COL4A6: variants seen among roughly 807,000 people sequenced by gnomAD.
COL4A6 encodes the protein collagen type IV alpha 6 chain.
A neutral mutation model predicts 126.7 loss-of-function variants in COL4A6; 59 were observed. That is an observed-to-expected ratio of 0.47 (90% confidence interval 0.38 to 0.58). The LOEUF is 0.58. Among genes scored for constraint, COL4A6 ranks in the 20% least tolerant of loss-of-function variants. The probability of loss-of-function intolerance (pLI) is 0.00; values close to 1 mark genes in which losing one functional copy is unlikely to be tolerated. For missense variants in COL4A6, 1,285 were observed against 1,337.3 expected, an observed-to-expected ratio of 0.96 and a Z score of 0.61; for synonymous variants, 547 against 496.6, an observed-to-expected ratio of 1.10 and a Z score of -1.35.
chrX:108,236,196 A>G (rs1245579264), intron 3 of COL4A6, among the ~76,000 whole-genome samples: 1 of 111,702 alleles, frequency 9.0e-6, no homozygotes, highest in Non-Finnish European at 1.9e-5. Context: ...TTTCCCCTTC[A>G]GGGCTTTGAG....
chrX:108,207,541 T>A (rs2035583152), intron 8 of COL4A6, among the ~76,000 whole-genome samples: 1 of 111,464 alleles, frequency 9.0e-6, no homozygotes, highest in South Asian at 3.8e-4. Flanking sequence ...GATGGATAGA[T>A]AGATAGAAGG....
Position 108,366,935 on chromosome X carries a change from G to A in COL4A6, c.64-56107C>T, listed in dbSNP as rs181245449. Among the ~76,000 whole-genome samples, 164 of 111,850 alleles carry A rather than the reference G, an allele frequency of 1.5e-3. No homozygotes were observed. In the East Asian group the frequency reaches 0.037, roughly 25 times the overall value. On this transcript the variant is annotated intron_variant, in intron 2 of 44. Coordinates refer to ENST00000334504, the MANE Select transcript of COL4A6 (RefSeq NM_033641.4). ...TGCAAACAATGTGTTTGGCCACATT[G>A]GAATTAAGTGGGTTAAAATTCCATC...
At chrX:108,380,917 G>T (rs182543433) in intron 2 of COL4A6, among the ~76,000 whole-genome samples, 1 of 111,464 alleles carries the variant, frequency 9.0e-6, no homozygotes, top group Admixed American at 9.5e-5. Flanking sequence ...AGAGATATAT[G>T]CATGTAAAGC....
At chrX:108,257,052 G>A (rs1405744556) in intron 3 of COL4A6, among the ~76,000 whole-genome samples, 2 of 111,568 alleles carry the variant, frequency 1.8e-5, no homozygotes, top group Non-Finnish European at 3.8e-5. Flanking sequence ...TCAAAGAACT[G>A]GAAAAGGCAA....
chrX:108,291,160 C>T (rs1399010783), intron 3 of COL4A6, among the ~76,000 whole-genome samples: 2 of 111,799 alleles, frequency 1.8e-5, no homozygotes, highest in Non-Finnish European at 3.8e-5. Flanking sequence ...TAGCTCCAGT[C>T]ACCTCATTTC....
intron 2 of COL4A6, among the ~76,000 whole-genome samples, chrX:108,322,564 G>A (rs2039055075): frequency 8.9e-6 from 1 of 112,059 alleles, no homozygotes; most frequent in Non-Finnish European, 1.9e-5. Context: ...GGCCTGAGGG[G>A]ATATAGTACT....
At chrX:108,330,790 G>A (rs1226872379) in intron 2 of COL4A6, among the ~76,000 whole-genome samples, 2 of 111,268 alleles carry the variant, frequency 1.8e-5, no homozygotes, top group African/African-American at 3.3e-5. Context: ...AGGGGGAAAC[G>A]CTGGCAAATC....
chrX:108,424,125 G>A (rs1462977876), intron 2 of COL4A6, among the ~76,000 whole-genome samples: 1 of 111,868 alleles, frequency 8.9e-6, no homozygotes, highest in Non-Finnish European at 1.9e-5. Flanking sequence ...AAGAAAACCC[G>A]ATTGATGGGG....
intron 3 of COL4A6, among the ~76,000 whole-genome samples, chrX:108,222,280 A>G (rs2036037919): frequency 8.9e-6 from 1 of 112,235 alleles, no homozygotes; most frequent in African/African-American, 3.2e-5. Context: ...CAGAAAAATG[A>G]AAACCATTAG....
chrX:108,220,198 T>C (rs774006325), intron 4 of COL4A6, among the ~76,000 whole-genome samples: 2 of 112,111 alleles, frequency 1.8e-5, no homozygotes, highest in South Asian at 3.8e-4. Flanking sequence ...AACAAGCCAA[T>C]TGCATCCACC....
At chrX:108,214,091 T>C (rs376139807) in intron 6 of COL4A6, 21 bp downstream of exon 6, 138 of 1,143,780 alleles carry the variant, frequency 1.2e-4, no homozygotes, top group Admixed American at 1.0e-3. Context: ...TGAAATAAAA[T>C]GCAAATATCT....
intron 2 of COL4A6, among the ~76,000 whole-genome samples, chrX:108,399,722 C>T (rs1469940854): frequency 9.0e-6 from 1 of 111,629 alleles, no homozygotes; most frequent in Non-Finnish European, 1.9e-5. Context: ...TCATTATTAA[C>T]CATTTTGAAA....
chrX:108,349,173 C>A (rs1446639343), intron 2 of COL4A6, among the ~76,000 whole-genome samples: 1 of 111,506 alleles, frequency 9.0e-6, no homozygotes, highest in East Asian at 2.8e-4. Flanking sequence ...GCTTGAACGG[C>A]ACAGTGAAAA....
At chrX:108,218,407 A>G (rs1436664518) in intron 5 of COL4A6, among the ~76,000 whole-genome samples, 1 of 112,682 alleles carries the variant, frequency 8.9e-6, no homozygotes, top group Admixed American at 9.4e-5. Flanking sequence ...TTATTTTCCC[A>G]CTGGTCTATT....
intron 3 of COL4A6, among the ~76,000 whole-genome samples, chrX:108,224,431 G>A (rs1286246045): frequency 8.9e-6 from 1 of 111,912 alleles, no homozygotes; most frequent in Non-Finnish European, 1.9e-5. Context: ...TTGGGTTGGC[G>A]GGCGTGCCAG....
At chrX:108,258,319 C>T (rs2037062094) in intron 3 of COL4A6, among the ~76,000 whole-genome samples, 1 of 111,979 alleles carries the variant, frequency 8.9e-6, no homozygotes, top group South Asian at 3.7e-4. Flanking sequence ...GGGTGTCTTA[C>T]CCACTTCTTC....
rs751689648 is a variant in COL4A6 at position 108,189,637 on chromosome X, A to G, written c.1426+755T>C. On this transcript the variant is annotated intron_variant, in intron 20 of 44. Transcript: ENST00000334504. ...GTTAACTTAATGCCCTTTTCCATCA[A>G]ATAGTTTTCCTGGGACCTGAATAGC... 3.3e-4 allele frequency among the ~76,000 whole-genome samples: 37 copies of G among 112,496 alleles called. No individual in the cohort carries two copies. The East Asian group carries it at 8.9e-3, about 27-fold the overall frequency.
chrX:108,351,358 T>G (rs59105557), intron 2 of COL4A6, among the ~76,000 whole-genome samples: 8,013 of 110,914 alleles, frequency 0.072, 657 homozygotes, highest in African/African-American at 0.23. Flanking sequence ...TGTAGCAATG[T>G]GTATAATTTA....
At chrX:108,331,549 C>T (rs1189812470) in intron 2 of COL4A6, among the ~76,000 whole-genome samples, 1 of 111,859 alleles carries the variant, frequency 8.9e-6, no homozygotes, top group Non-Finnish European at 1.9e-5. Context: ...TACTATGTAA[C>T]CACTGTTGTA....
Sources: gnomAD v4.1 joint callset for allele counts (sites outside exome capture counted in the v4.1 genomes callset) on GRCh38, gnomAD v4.1.1 for gene constraint, MANE v1.5 for transcripts, NCBI Gene and HGNC (gene_info 2026-07-23, HGNC 2026-07-21) for gene names.